Variants in PLD3 observed in about 807,000 individuals in gnomAD.
The protein encoded by PLD3 is phospholipase D family member 3.
PLD3 carries 31 observed loss-of-function variants against 58.4 expected under a neutral mutation model. The ratio of observed to expected loss-of-function variants is 0.53; its 90% confidence interval spans 0.40 to 0.72. The LOEUF is 0.72. Ranked by LOEUF, PLD3 falls within the 30% of genes least tolerant of loss-of-function variation. PLD3 has a pLI of 0.00. For missense variants in PLD3, 595 were observed against 659.8 expected (o/e 0.90, Z 1.08); for synonymous variants, 264 against 273.4 (o/e 0.97, Z 0.34).
chr19:40,368,743 C>G (rs1026419434), intron 6 of PLD3, among the ~76,000 whole-genome samples: 3 of 151,862 alleles, frequency 2.0e-5, no homozygotes, highest in African/African-American at 7.3e-5. Flanking sequence ...CCCCCACCTC[C>G]CCTCAACCAT....
At chr19:40,363,596 A>G (rs899050073) in intron 1 of PLD3, among the ~76,000 whole-genome samples, 6 of 152,136 alleles carry the variant, frequency 3.9e-5, no homozygotes, top group African/African-American at 1.2e-4. Flanking sequence ...ACGCCCAGCT[A>G]ATTTTTACAT....
At chr19:40,364,825 A>G (rs2078877537) in intron 1 of PLD3, among the ~76,000 whole-genome samples, 1 of 149,794 alleles carries the variant, frequency 6.7e-6, no homozygotes, top group Non-Finnish European at 1.5e-5. Context: ...GCAGCTGGGC[A>G]TGGTGGCACG....
At chr19:40,363,414 A>ATTTGTTTGTTTG (rs56862567) in intron 1 of PLD3, among the ~76,000 whole-genome samples, 8 of 150,836 alleles carry the variant, frequency 5.3e-5, no homozygotes, top group African/African-American at 1.5e-4. Flanking sequence ...TTCTTGCTAG[A>ATTTGTTTGTTTG]TTTGTTTGTT....
chr19:40,366,391 C>G, intron 2 of PLD3, 28 bp from the exon 3 acceptor site: 1 of 1,060,180 alleles, frequency 9.4e-7, no homozygotes, highest in East Asian at 2.4e-5. Context: ...TAGAACACCC[C>G]ACACAGTGCC....
At chr19:40,353,953 G>A (rs1029472018) in intron 1 of PLD3, among the ~76,000 whole-genome samples, 1 of 152,030 alleles carries the variant, frequency 6.6e-6, no homozygotes, top group African/African-American at 2.4e-5. Flanking sequence ...GGAGTGCAGT[G>A]GTGCAGTCAT....
intron 8 of PLD3, 36 bp downstream of exon 8, chr19:40,370,273 A>G (rs771572221): frequency 6.3e-7 from 1 of 1,589,198 alleles, no homozygotes. Flanking sequence ...CTTCCAGGCC[A>G]CTCCCTGCCC....
chr19:40,353,343 T>C (rs1375072732), intron 1 of PLD3, among the ~76,000 whole-genome samples: 1 of 151,984 alleles, frequency 6.6e-6, no homozygotes, highest in Non-Finnish European at 1.5e-5. Context: ...GACATGAGAA[T>C]CACTTGAACC....
chr19:40,366,737 C>T (rs562445834), intron 4 of PLD3, 36 bp from the exon 5 acceptor site: 7 of 1,613,938 alleles, frequency 4.3e-6, no homozygotes, highest in Non-Finnish European at 5.1e-6. Context: ...TGGGCTGCCC[C>T]CCTCGGGCTG....
chr19:40,371,850 A>G lies in PLD3; in HGVS notation c.856A>G (p.Thr286Ala). 2 of 1,613,894 alleles carry G rather than the reference A, an allele frequency of 1.2e-6. No homozygotes were observed. The highest frequency in any genetic ancestry group is 1.7e-6 in the Non-Finnish European group (2 of 1,180,010). ...ETPMEICLNG[T>A]PALAYLASAP... ...ACCAATGGAGATCTGCCTCAATGGA[A>G]CCCCTGCTCTGGCCTACCTGGCGGT... The change falls in exon 9 of 13, where the codon ACC (threonine) becomes GCC (alanine). Residue 286 changes from threonine to alanine, a missense_variant. Coordinates refer to ENST00000409735, the MANE Select transcript of PLD3 (RefSeq NM_012268.4).
intron 9 of PLD3, among the ~76,000 whole-genome samples, chr19:40,373,439 G>A (rs1047002711): frequency 2.6e-5 from 4 of 151,970 alleles, no homozygotes; most frequent in African/African-American, 9.7e-5. Flanking sequence ...TAGCCTGGAG[G>A]GGTGGCGGGC....
rs765289486 is a variant in PLD3 at position 40,370,201 on chromosome 19, G to T, written c.642G>T (p.Leu214=). 4.3e-6 allele frequency: 7 copies of T among 1,614,020 alleles called. No homozygotes were observed. Among genetic ancestry groups the T allele is most frequent in the South Asian group, 1.1e-5 (1 of 91,086 alleles). ...FWVVDQTHFY[L]GSANMDWRSL... ...TGGTGGACCAGACCCACTTCTACCT[G>T]GGCAGTGCCAACATGGACTGGCGTT... Residue 214 remains leucine (L), a synonymous_variant, in exon 8 of 13, where the codon CTG becomes CTT. Transcript: ENST00000409735.
At chr19:40,367,593 A>T in intron 5 of PLD3, 103 bp from the exon 6 acceptor site, 1 of 1,026,570 alleles carries the variant, frequency 9.7e-7, no homozygotes, top group Non-Finnish European at 1.4e-6. Flanking sequence ...AAAAAAAAAA[A>T]AATACAGTCT....
At chr19:40,365,168 G>A (rs1004982527) in intron 1 of PLD3, among the ~76,000 whole-genome samples, 9 of 152,056 alleles carry the variant, frequency 5.9e-5, no homozygotes, top group Non-Finnish European at 1.3e-4. Context: ...TGAGAGAGGT[G>A]CCACCCTGCC....
In PLD3 at chr19:40,366,513, A is replaced by C; in HGVS notation, c.27+3A>C. On this transcript the variant is annotated splice_donor_region_variant and intron_variant, in intron 3 of 12. Transcript: ENST00000409735. Reference sequence around the variant, plus strand: ...AGCCTAAACTGATGTACCAGGAGGTAGGTGGATTGGGGGGCTCAGCAGGGT... The same window carrying C: ...AGCCTAAACTGATGTACCAGGAGGTCGGTGGATTGGGGGGCTCAGCAGGGT... 1.9e-6 allele frequency: 3 copies of C among 1,612,840 alleles called. No individual in the cohort carries two copies. Among genetic ancestry groups the C allele is most frequent in the Non-Finnish European group, 2.5e-6 (3 of 1,179,156 alleles).
rs149768475 is a variant in PLD3, at chr19:40,374,598, C to T, written c.997C>T (p.Leu333=). 1.2e-4 allele frequency: 188 copies of T among 1,614,048 alleles called. No homozygotes were observed. Among genetic ancestry groups the T allele is most frequent in the Non-Finnish European group, 1.5e-4 (177 of 1,180,036 alleles). The part of the protein sequence containing the change: ...YVAVMNYLPT[L]EFSHPHRFWP... ...CGCTGTCATGAACTACCTGCCCACTCTGGAGTTCTCCCACCCTCACAGGTA... is the reference window on the plus strand; with the variant it reads ...CGCTGTCATGAACTACCTGCCCACTTTGGAGTTCTCCCACCCTCACAGGTA... The change falls in exon 10 of 13, where the codon CTG becomes TTG. Residue 333 remains leucine (L), a synonymous_variant. Coordinates refer to ENST00000409735, the MANE Select transcript of PLD3 (RefSeq NM_012268.4).
intron 5 of PLD3, 56 bp from the exon 6 acceptor site, chr19:40,367,640 C>T (rs760825317): frequency 2.0e-6 from 3 of 1,484,858 alleles, no homozygotes; most frequent in Non-Finnish European, 2.8e-6. Context: ...TGAGCACTCA[C>T]CTCCCAGCCC....
intron 10 of PLD3, 38 bp from the exon 11 acceptor site, chr19:40,376,571 T>C (rs1458170130): frequency 1.3e-6 from 2 of 1,590,592 alleles, no homozygotes; most frequent in Admixed American, 1.7e-5. Context: ...ACAGCCGCCC[T>C]CTGCATCCTG....
chr19:40,375,143 G>A (rs68056337), intron 10 of PLD3, among the ~76,000 whole-genome samples: 27,347 of 151,640 alleles, frequency 0.18, 2,593 homozygotes, highest in Non-Finnish European at 0.22. Context: ...GCGACAGACA[G>A]AGCAAGACTC....
chr19:40,376,624 T>G lies in PLD3; in HGVS notation c.1035T>G (p.Ile345Met). The G allele has an allele frequency of 1.9e-6, 3 of 1,609,908 alleles. No homozygotes were observed. The highest frequency in any genetic ancestry group is 2.5e-6 in the Non-Finnish European group (3 of 1,179,916). The change falls in exon 11 of 13, where the codon ATT becomes ATG. Residue 345 changes from isoleucine to methionine, a missense_variant. Physicochemically the swap from Ile to Met is conservative, Grantham distance 10. Coordinates refer to ENST00000409735, the MANE Select transcript of PLD3 (RefSeq NM_012268.4). ...FSHPHRFWPA[I>M]DDGLRRATYE... Reference sequence around the variant, plus strand: ...CCGTCCTCAGGTTCTGGCCTGCCATTGACGATGGGCTGCGGCGGGCCACCT... The same window carrying G: ...CCGTCCTCAGGTTCTGGCCTGCCATGGACGATGGGCTGCGGCGGGCCACCT...
Sources: allele counts gnomAD v4.1 joint callset (sites outside exome capture counted in the v4.1 genomes callset), GRCh38; gene constraint gnomAD v4.1.1; transcripts MANE v1.5; gene names NCBI Gene and HGNC (gene_info 2026-07-23, HGNC 2026-07-21).